The following ETV2 variants were observed in gnomAD, a reference collection of about 807,000 sequenced individuals.
The protein encoded by ETV2 is ETS variant transcription factor 2, also known as ETS translocation variant 2.
In ETV2, 34 loss-of-function variants were observed where a neutral mutation model predicts 35.7. The observed-to-expected ratio is 0.95, with a 90% CI of 0.72 to 1.27. The LOEUF is 1.27. ETV2 is among the 50% of genes most tolerant of loss of function. ETV2 has a pLI of 0.00. For synonymous variants in ETV2, 207 were observed against 203.9 expected (o/e 1.02, Z -0.13); for missense variants, 512 against 470.5 (o/e 1.09, Z -0.82).
Position 35,644,321 on chromosome 19 carries a change from G to A in ETV2, c.802G>A (p.Glu268Lys), listed in dbSNP as rs1415596415. 1.3e-6 allele frequency: 2 copies of A among 1,554,628 alleles called. No individual in the cohort carries two copies. Among genetic ancestry groups the A allele is most frequent in the African/African-American group, 1.4e-5 (1 of 73,312 alleles). ...CATCCGTTGGACTGGCAACAGCCGCGAGTTCCAGCTGTGCGACCCCAAAGA... is the reference window on the plus strand; with the variant it reads ...CATCCGTTGGACTGGCAACAGCCGCAAGTTCCAGCTGTGCGACCCCAAAGA... ...SCIRWTGNSR[E>K]FQLCDPKEVA... Residue 268 changes from glutamate to lysine, a missense_variant, in exon 6 of 7, where the codon GAG becomes AAG. By Grantham distance (56) the Glu-to-Lys change is moderately conservative. Transcript: ENST00000402764. This position sits in a 1 kb window ranked among gnomAD's most constrained non-coding sequence, Gnocchi z 4.7.
rs369210600 is a variant in ETV2 at position 35,643,479 on chromosome 19, C to T, written c.441C>T (p.Ala147=). 2 of 1,548,194 alleles carry T rather than the reference C, an allele frequency of 1.3e-6. No homozygotes were observed. The highest frequency in any genetic ancestry group is 1.7e-6 in the Non-Finnish European group (2 of 1,146,104). The change falls in exon 5 of 7, where the codon GCC becomes GCT. Residue 147 remains alanine (A), a synonymous_variant. Transcript: ENST00000402764. This position sits in a 1 kb window ranked among gnomAD's most constrained non-coding sequence, Gnocchi z 5.0. ...GEATSWSRAQ[A]AGSNTSWDCS... ...CCACCTCGTGGTCGCGCGCCCAGGC[C>T]GCCGGGAGCAACACCAGCTGGGACT...
In ETV2 at chr19:35,643,568, A is replaced by C; in HGVS notation, c.530A>C (p.Asp177Ala). 1 of 1,574,744 alleles carries C rather than the reference A, an allele frequency of 6.4e-7. No homozygotes were observed. The highest frequency in any genetic ancestry group is 1.4e-5 in the African/African-American group (1 of 73,824). Reference sequence around the variant, plus strand: ...GGCCTGGGCGGGGAGCCGCGCACGGACTGTACCATTTCGTGGGGCGGGCCC... The same window carrying C: ...GGCCTGGGCGGGGAGCCGCGCACGGCCTGTACCATTTCGTGGGGCGGGCCC... ...GSGLGGEPRT[D>A]CTISWGGPAG... Residue 177 changes from aspartate to alanine, a missense_variant, in exon 5 of 7, where the codon GAC (aspartate) becomes GCC (alanine). Coordinates refer to ENST00000402764, the MANE Select transcript of ETV2 (RefSeq NM_014209.4). This position sits in a 1 kb window ranked among gnomAD's most constrained non-coding sequence, Gnocchi z 5.0.
Position 35,643,100 on chromosome 19 carries a change from G to A in ETV2, c.235+55G>A. Reference sequence around the variant, plus strand: ...GGGACTGGGGTCCCGAGGCACCGGGGCTAGAGGTGTAGACTCCCTGATCTT... The same window carrying A: ...GGGACTGGGGTCCCGAGGCACCGGGACTAGAGGTGTAGACTCCCTGATCTT... On this transcript the variant is annotated intron_variant, in intron 4 of 6. Transcript: ENST00000402764. The surrounding 1 kb of genome is among the most constrained non-coding windows in gnomAD (Gnocchi z 5.0). The A allele has an allele frequency of 7.2e-7, 1 of 1,394,984 alleles. No homozygotes were observed. 86.4% of individuals were successfully genotyped at this position (1,394,984 alleles called of 1,614,324 possible).
In ETV2 at chr19:35,644,357, C is replaced by T. The variant is rs768576953; in HGVS notation, c.828+10C>T. On this transcript the variant is annotated intron_variant, in intron 6 of 6. Transcript: ENST00000402764. This position sits in a 1 kb window ranked among gnomAD's most constrained non-coding sequence, Gnocchi z 4.7. ...GTGCGACCCCAAAGAGGTGGGGCAGCTCCCCTGCCCAGCCAAATCCGCCCC... is the reference window on the plus strand; with the variant it reads ...GTGCGACCCCAAAGAGGTGGGGCAGTTCCCCTGCCCAGCCAAATCCGCCCC... The T allele has an allele frequency of 3.4e-6, 5 of 1,464,758 alleles. No individual in the cohort carries two copies. The East Asian group carries it at 1.0e-4, about 30-fold the overall frequency. 90.7% of individuals were successfully genotyped at this position (1,464,758 alleles called of 1,614,324 possible).
In ETV2 at chr19:35,642,624, A is replaced by G. The variant is rs748204399; in HGVS notation, c.80A>G (p.Lys27Arg). The change falls in exon 3 of 7, where the codon AAA becomes AGA. Residue 27 changes from lysine to arginine, a missense_variant. Transcript: ENST00000402764. The surrounding 1 kb of genome is among the most constrained non-coding windows in gnomAD (Gnocchi z 4.4). ...GNKLAGLEGA[K>R]LGFCFPDLAL... Reference sequence around the variant, plus strand: ...CCCTTATCGCCTGCAGAAGGAGCCAAATTAGGCTTCTGTTTCCCTGATCTG... The same window carrying G: ...CCCTTATCGCCTGCAGAAGGAGCCAGATTAGGCTTCTGTTTCCCTGATCTG... 4.4e-6 allele frequency: 7 copies of G among 1,608,992 alleles called. No homozygotes were observed. Among genetic ancestry groups the G allele is most frequent in the Non-Finnish European group, 8.5e-7 (1 of 1,177,834 alleles).
Position 35,644,807 on chromosome 19 carries a change from C to CG in ETV2, c.984_985insG (p.Tyr329ValfsTer?). The stretch of plus-strand genomic sequence containing the variant: ...TCGGGGGCCGCGTGCCCAGCCTAGC[C>CG]TATCCGGACTGTGCGGGAGGCGGAC... On this transcript the variant is annotated frameshift_variant, in exon 7 of 7. Coordinates refer to ENST00000402764, the MANE Select transcript of ETV2 (RefSeq NM_014209.4). LOFTEE classifies it low-confidence loss of function (END_TRUNC). The surrounding 1 kb of genome is among the most constrained non-coding windows in gnomAD (Gnocchi z 4.7). 1 of 1,611,930 alleles carries CG rather than the reference C, an allele frequency of 6.2e-7. No individual in the cohort carries two copies. The highest frequency in any genetic ancestry group is 8.5e-7 in the Non-Finnish European group (1 of 1,179,074).
In ETV2 at chr19:35,643,875, G is replaced by C; in HGVS notation, c.715+122G>C. ...GGGGGCGGGGGCTTAGGGACCAGGGGCTCGAAGGAGGGGCCGGTGGCCCGC... is the reference window on the plus strand; with the variant it reads ...GGGGGCGGGGGCTTAGGGACCAGGGCCTCGAAGGAGGGGCCGGTGGCCCGC... On this transcript the variant is annotated intron_variant, in intron 5 of 6. Coordinates refer to ENST00000402764, the MANE Select transcript of ETV2 (RefSeq NM_014209.4). The surrounding 1 kb of genome is among the most constrained non-coding windows in gnomAD (Gnocchi z 5.0). 7.1e-7 allele frequency: 1 copy of C among 1,417,756 alleles called. No homozygotes were observed. Among genetic ancestry groups the C allele is most frequent in the Non-Finnish European group, 9.6e-7 (1 of 1,040,796 alleles). The allele number at this position is 1,417,756 out of a possible 1,614,324, so 87.8% of individuals were successfully genotyped here. A position where few individuals can be genotyped will look rare whatever the true frequency, so the allele number is the denominator to read the frequency against.
At position 35,643,478 on chromosome 19, in the gene ETV2, C is replaced by T. The variant is rs1967674679; in HGVS notation, c.440C>T (p.Ala147Val). The change falls in exon 5 of 7, where the codon GCC (alanine) becomes GTC (valine). Residue 147 changes from alanine (A) to valine (V), a missense_variant. Coordinates refer to ENST00000402764, the MANE Select transcript of ETV2 (RefSeq NM_014209.4). This position sits in a 1 kb window ranked among gnomAD's most constrained non-coding sequence, Gnocchi z 5.0. ...GEATSWSRAQ[A>V]AGSNTSWDCS... ...GCCACCTCGTGGTCGCGCGCCCAGG[C>T]CGCCGGGAGCAACACCAGCTGGGAC... The T allele has an allele frequency of 6.5e-7, 1 of 1,548,160 alleles. No homozygotes were observed. Among genetic ancestry groups the T allele is most frequent in the Non-Finnish European group, 8.7e-7 (1 of 1,146,108 alleles).
rs1242913717 is a variant in ETV2 at position 35,643,496 on chromosome 19, G to C, written c.458G>C (p.Ser153Thr). ...SRAQAAGSNT[S>T]WDCSVGPDGD... ...GCCCAGGCCGCCGGGAGCAACACCAGCTGGGACTGTTCTGTGGGGCCCGAC... is the reference window on the plus strand; with the variant it reads ...GCCCAGGCCGCCGGGAGCAACACCACCTGGGACTGTTCTGTGGGGCCCGAC... Residue 153 changes from serine (S) to threonine (T), a missense_variant, in exon 5 of 7, where the codon AGC becomes ACC. Physicochemically the swap from Ser to Thr is moderately conservative, Grantham distance 58. Transcript: ENST00000402764. The surrounding 1 kb of genome is among the most constrained non-coding windows in gnomAD (Gnocchi z 5.0). The C allele has an allele frequency of 1.3e-6, 2 of 1,549,696 alleles. No homozygotes were observed. The highest frequency in any genetic ancestry group is 1.7e-6 in the Non-Finnish European group (2 of 1,146,546).
chr19:35,642,647 C>G lies in ETV2; in HGVS notation c.103C>G (p.Leu35Val). 6.2e-7 allele frequency: 1 copy of G among 1,607,496 alleles called. No individual in the cohort carries two copies. Among genetic ancestry groups the G allele is most frequent in the South Asian group, 1.1e-5 (1 of 89,970 alleles). ...CAAATTAGGCTTCTGTTTCCCTGATCTGGCACTCCAAGGGGACACGCCGAC... is the reference window on the plus strand; with the variant it reads ...CAAATTAGGCTTCTGTTTCCCTGATGTGGCACTCCAAGGGGACACGCCGAC... Reference protein sequence around the residue: ...GAKLGFCFPDLALQGDTPTAT... With the variant: ...GAKLGFCFPDVALQGDTPTAT... The change falls in exon 3 of 7, where the codon CTG becomes GTG. Residue 35 changes from leucine to valine, a missense_variant. Coordinates refer to ENST00000402764, the MANE Select transcript of ETV2 (RefSeq NM_014209.4). This position sits in a 1 kb window ranked among gnomAD's most constrained non-coding sequence, Gnocchi z 4.4.
Position 35,643,508 on chromosome 19 carries a change from C to G in ETV2, c.470C>G (p.Ser157Cys). Reference sequence around the variant, plus strand: ...GGGAGCAACACCAGCTGGGACTGTTCTGTGGGGCCCGACGGCGATACCTAC... The same window carrying G: ...GGGAGCAACACCAGCTGGGACTGTTGTGTGGGGCCCGACGGCGATACCTAC... Reference protein sequence around the residue: ...AAGSNTSWDCSVGPDGDTYWG... With the variant: ...AAGSNTSWDCCVGPDGDTYWG... Residue 157 changes from serine (S) to cysteine (C), a missense_variant, in exon 5 of 7, where the codon TCT becomes TGT. By Grantham distance (112) the Ser-to-Cys change is moderately radical. Coordinates refer to ENST00000402764, the MANE Select transcript of ETV2 (RefSeq NM_014209.4). This position sits in a 1 kb window ranked among gnomAD's most constrained non-coding sequence, Gnocchi z 5.0. 6.5e-7 allele frequency: 1 copy of G among 1,549,910 alleles called. No individual in the cohort carries two copies. The highest frequency in any genetic ancestry group is 8.7e-7 in the Non-Finnish European group (1 of 1,146,556).
chr19:35,644,716 GC>G lies in ETV2; in HGVS notation c.895del (p.Leu299PhefsTer29). 6.2e-7 allele frequency: 1 copy of G among 1,605,750 alleles called. No individual in the cohort carries two copies. The highest frequency in any genetic ancestry group is 8.5e-7 in the Non-Finnish European group (1 of 1,175,456). On this transcript the variant is annotated frameshift_variant, in exon 7 of 7. Transcript: ENST00000402764. LOFTEE classifies it low-confidence loss of function (END_TRUNC). This position sits in a 1 kb window ranked among gnomAD's most constrained non-coding sequence, Gnocchi z 4.7. ...ATGAATTACGAGAAGCTGAGCCGGGGCCTTCGCTACTACTATCGCCGCGACA... is the reference window on the plus strand; with the variant it reads ...ATGAATTACGAGAAGCTGAGCCGGGGCTTCGCTACTACTATCGCCGCGACA... ...PGMNYEKLSRGLRYYYRRDIV... is the reference protein window; with the variant it reads ...PGMNYEKLSRXLRYYYRRDIV...
Position 35,644,226 on chromosome 19 carries a change from A to G in ETV2, c.716-9A>G. The G allele has an allele frequency of 6.5e-7, 1 of 1,535,224 alleles. No individual in the cohort carries two copies. The highest frequency in any genetic ancestry group is 8.8e-7 in the Non-Finnish European group (1 of 1,130,140). On this transcript the variant is annotated splice_polypyrimidine_tract_variant and intron_variant, in intron 5 of 6. Transcript: ENST00000402764. The surrounding 1 kb of genome is among the most constrained non-coding windows in gnomAD (Gnocchi z 4.7). The stretch of plus-strand genomic sequence containing the variant: ...GAAGACTGAGTGTGCCCCTCCCTTC[A>G]TCCCGCAGGTCCCATTCAGCTGTGG...
chr19:35,643,820 AG>A lies in ETV2; in HGVS notation c.715+72del. 1 of 1,587,978 alleles carries A rather than the reference AG, an allele frequency of 6.3e-7. No individual in the cohort carries two copies. Among genetic ancestry groups the A allele is most frequent in the Non-Finnish European group, 8.6e-7 (1 of 1,168,092 alleles). The stretch of plus-strand genomic sequence containing the variant: ...TCCTGAGCCGGGACCCAGGCACCTA[AG>A]GGGGCGGGGCCCGGGAGACTGACAG... On this transcript the variant is annotated intron_variant, in intron 5 of 6. Coordinates refer to ENST00000402764, the MANE Select transcript of ETV2 (RefSeq NM_014209.4). The surrounding 1 kb of genome is among the most constrained non-coding windows in gnomAD (Gnocchi z 5.0).
In ETV2 at chr19:35,644,294, T is replaced by C; in HGVS notation, c.775T>C (p.Cys259Arg). The change falls in exon 6 of 7, where the codon TGC (cysteine) becomes CGC (arginine). Residue 259 changes from cysteine (C) to arginine (R), a missense_variant. Transcript: ENST00000402764. This position sits in a 1 kb window ranked among gnomAD's most constrained non-coding sequence, Gnocchi z 4.7. ...ELLHDGARSS[C>R]IRWTGNSREF... Reference sequence around the variant, plus strand: ...GCTCCACGACGGGGCGCGTAGCAGCTGCATCCGTTGGACTGGCAACAGCCG... The same window carrying C: ...GCTCCACGACGGGGCGCGTAGCAGCCGCATCCGTTGGACTGGCAACAGCCG... The C allele has an allele frequency of 6.4e-7, 1 of 1,559,244 alleles. No individual in the cohort carries two copies. Among genetic ancestry groups the C allele is most frequent in the East Asian group, 2.4e-5 (1 of 41,362 alleles).
chr19:35,642,667 G>T lies in ETV2; in HGVS notation c.123G>T (p.Thr41=). Residue 41 remains threonine (T), a synonymous_variant, in exon 3 of 7, where the codon ACG becomes ACT. Coordinates refer to ENST00000402764, the MANE Select transcript of ETV2 (RefSeq NM_014209.4). The surrounding 1 kb of genome is among the most constrained non-coding windows in gnomAD (Gnocchi z 4.4). The part of the protein sequence containing the change: ...CFPDLALQGD[T]PTATAETCWK... ...CTGATCTGGCACTCCAAGGGGACACGCCGACAGCGACAGCAGAGACATGCT... is the reference window on the plus strand; with the variant it reads ...CTGATCTGGCACTCCAAGGGGACACTCCGACAGCGACAGCAGAGACATGCT... The T allele has an allele frequency of 6.2e-7, 1 of 1,604,232 alleles. No homozygotes were observed. The highest frequency in any genetic ancestry group is 8.5e-7 in the Non-Finnish European group (1 of 1,175,532).
chr19:35,643,084 G>T lies in ETV2; in HGVS notation c.235+39G>T. 7.4e-7 allele frequency: 1 copy of T among 1,343,868 alleles called. No homozygotes were observed. Among genetic ancestry groups the T allele is most frequent in the Non-Finnish European group, 1.0e-6 (1 of 971,424 alleles). 83.2% of individuals were successfully genotyped at this position (1,343,868 alleles called of 1,614,324 possible). A position where few individuals can be genotyped will look rare whatever the true frequency, so the allele number is the denominator to read the frequency against. ...GAGGCGGTGGGAGGTGGGGACTGGG[G>T]TCCCGAGGCACCGGGGCTAGAGGTG... On this transcript the variant is annotated intron_variant, in intron 4 of 6. Coordinates refer to ENST00000402764, the MANE Select transcript of ETV2 (RefSeq NM_014209.4). This position sits in a 1 kb window ranked among gnomAD's most constrained non-coding sequence, Gnocchi z 5.0.
rs1302212969 is a variant in ETV2 at position 35,643,422 on chromosome 19, G to A, written c.384G>A (p.Ala128=). The part of the protein sequence containing the change: ...PIPAAGSEGA[A]GQNCVPVAGE... ...CCGCCGCCGGCTCCGAAGGCGCCGC[G>A]GGCCAGAACTGCGTCCCCGTGGCGG... The change falls in exon 5 of 7, where the codon GCG becomes GCA. Residue 128 remains alanine (A), a synonymous_variant. Coordinates refer to ENST00000402764, the MANE Select transcript of ETV2 (RefSeq NM_014209.4). The surrounding 1 kb of genome is among the most constrained non-coding windows in gnomAD (Gnocchi z 5.0). 1 of 1,541,670 alleles carries A rather than the reference G, an allele frequency of 6.5e-7. No individual in the cohort carries two copies. The highest frequency in any genetic ancestry group is 8.7e-7 in the Non-Finnish European group (1 of 1,144,126).
At position 35,643,492 on chromosome 19, in the gene ETV2, A is replaced by T; in HGVS notation, c.454A>T (p.Thr152Ser). 1 of 1,548,732 alleles carries T rather than the reference A, an allele frequency of 6.5e-7. No individual in the cohort carries two copies. The highest frequency in any genetic ancestry group is 8.7e-7 in the Non-Finnish European group (1 of 1,146,242). The change falls in exon 5 of 7, where the codon ACC becomes TCC. Residue 152 changes from threonine to serine, a missense_variant. By Grantham distance (58) the Thr-to-Ser change is moderately conservative (BLOSUM62 1). Coordinates refer to ENST00000402764, the MANE Select transcript of ETV2 (RefSeq NM_014209.4). This position sits in a 1 kb window ranked among gnomAD's most constrained non-coding sequence, Gnocchi z 5.0. ...WSRAQAAGSNTSWDCSVGPDG... is the reference protein window; with the variant it reads ...WSRAQAAGSNSSWDCSVGPDG... ...GCGCGCCCAGGCCGCCGGGAGCAACACCAGCTGGGACTGTTCTGTGGGGCC... is the reference window on the plus strand; with the variant it reads ...GCGCGCCCAGGCCGCCGGGAGCAACTCCAGCTGGGACTGTTCTGTGGGGCC...
Sources: gnomAD v4.1 joint callset for allele counts on GRCh38, gnomAD v4.1.1 for gene constraint, Gnocchi (gnomAD v3.1) non-coding constraint, MANE v1.5 for transcripts, NCBI Gene and HGNC (gene_info 2026-07-23, HGNC 2026-07-21) for gene names.